KCNT2: variants seen among roughly 807,000 people sequenced by gnomAD.
The protein encoded by KCNT2 is potassium sodium-activated channel subfamily T member 2, also known as potassium channel subfamily T member 2.
A neutral mutation model predicts 153.8 loss-of-function variants in KCNT2; 67 were observed. The observed-to-expected ratio is 0.44, with a 90% CI of 0.36 to 0.53. The LOEUF (loss-of-function observed/expected upper bound fraction) is 0.53, where lower values mean the gene tolerates loss of function less well. KCNT2 is among the 20% of genes least tolerant of loss of function. The pLI is 0.00. For synonymous variants in KCNT2, 500 were observed against 458.8 expected (o/e 1.09, Z -1.15); for missense variants, 975 against 1,354.8 (o/e 0.72, Z 4.40).
At chr1:196,362,172 C>G (rs970209917) in intron 14 of KCNT2, among the ~76,000 whole-genome samples, 2 of 151,992 alleles carry the variant, frequency 1.3e-5, no homozygotes, top group Admixed American at 6.6e-5. Context: ...ATCCCTATTA[C>G]TTTTGAGAAA....
At chr1:196,599,140 G>A (rs4658043) in intron 1 of KCNT2, among the ~76,000 whole-genome samples, 2 of 152,068 alleles carry the variant, frequency 1.3e-5, no homozygotes, top group African/African-American at 4.8e-5. Flanking sequence ...TGATCCCTAG[G>A]GGACAGAGTA....
intron 1 of KCNT2, among the ~76,000 whole-genome samples, chr1:196,499,887 T>C (rs1397930261): frequency 6.6e-6 from 1 of 152,136 alleles, no homozygotes; most frequent in Non-Finnish European, 1.5e-5. Flanking sequence ...CTCATGTCTG[T>C]AATCCCAGCA....
At chr1:196,236,686 A>T (rs1012819478) in intron 26 of KCNT2, among the ~76,000 whole-genome samples, 1 of 151,602 alleles carries the variant, frequency 6.6e-6, no homozygotes, top group African/African-American at 2.4e-5. Flanking sequence ...GTTTTTCCTA[A>T]AGCAATATAT....
In KCNT2 at chr1:196,298,880, C is replaced by A. The variant is rs898067007; in HGVS notation, c.2595+6354G>T. On this transcript the variant is annotated intron_variant, in intron 22 of 27. Transcript: ENST00000294725. ...TACAAGGAGTATTGAAGTTCTGAGC[C>A]AGAAACCAGGGACAAAGACCAAGTA... is the stretch of plus-strand genomic sequence containing the variant. Among the ~76,000 whole-genome samples, 12 of 150,524 alleles carry A rather than the reference C, an allele frequency of 8.0e-5. No homozygotes were observed. The South Asian group carries it at 2.6e-3, about 32-fold the overall frequency.
intron 11 of KCNT2, 59 bp downstream of exon 11, chr1:196,425,791 AAG>A: frequency 1.3e-6 from 2 of 1,569,572 alleles, no homozygotes; most frequent in Non-Finnish European, 1.7e-6. Flanking sequence ...ATTTGGAGGA[AAG>A]AGAAAATATT....
At position 196,439,288 on chromosome 1, in the gene KCNT2, G is replaced by A. The variant is rs539001494; in HGVS notation, c.639-9531C>T. On this transcript the variant is annotated intron_variant, in intron 8 of 27. Transcript: ENST00000294725. ...TTTTTTCTAAAATTCAGGTAAATAC[G>A]TGTTTAAATTATGAATACTATAGAA... 1.8e-4 allele frequency among the ~76,000 whole-genome samples: 28 copies of A among 151,942 alleles called. 1 individual carries two copies. Among genetic ancestry groups the A allele is most frequent in the South Asian group, 4.1e-4 (2 of 4,828 alleles).
At chr1:196,551,800 T>G (rs1473960855) in intron 1 of KCNT2, among the ~76,000 whole-genome samples, 1 of 151,546 alleles carries the variant, frequency 6.6e-6, no homozygotes, top group Admixed American at 6.6e-5. Context: ...TTACAGAATA[T>G]CCACTGTGGG....
rs74505176 is a variant in KCNT2, at chr1:196,455,553, A to G, written c.638+9740T>C. Among the ~76,000 whole-genome samples, 118 of 151,878 alleles carry G rather than the reference A, an allele frequency of 7.8e-4. 1 individual carries two copies. In the East Asian group the frequency reaches 0.018, roughly 24 times the overall value. On this transcript the variant is annotated intron_variant, in intron 8 of 27. Transcript: ENST00000294725. ...ATTATTTGTTTATTATCTTTCTTCT[A>G]TCTTTTGTTTTTCTCTCTTATGAAC...
At chr1:196,333,072 G>A (rs778074053) in intron 17 of KCNT2, among the ~76,000 whole-genome samples, 13 of 151,452 alleles carry the variant, frequency 8.6e-5, no homozygotes, top group East Asian at 1.9e-4. Flanking sequence ...TTACAAGTGT[G>A]AGCCACTGTG....
intron 27 of KCNT2, among the ~76,000 whole-genome samples, chr1:196,233,735 G>T (rs1025175213): frequency 1.3e-5 from 2 of 151,434 alleles, no homozygotes; most frequent in African/African-American, 4.8e-5. Context: ...GTCATTTGCA[G>T]CAACATAGTC....
At chr1:196,240,103 G>C (rs1372240893) in intron 26 of KCNT2, among the ~76,000 whole-genome samples, 1 of 151,988 alleles carries the variant, frequency 6.6e-6, no homozygotes, top group East Asian at 1.9e-4. Flanking sequence ...GGCAGCCCTA[G>C]TACACGAATA....
chr1:196,487,459 T>C (rs139100693), intron 3 of KCNT2, among the ~76,000 whole-genome samples: 60 of 151,734 alleles, frequency 4.0e-4, no homozygotes, highest in Admixed American at 2.6e-3. Flanking sequence ...TGTCTGTGTG[T>C]GTATGTTTGT....
At chr1:196,443,852 T>C (rs1338573111) in intron 8 of KCNT2, among the ~76,000 whole-genome samples, 2 of 151,572 alleles carry the variant, frequency 1.3e-5, no homozygotes, top group Non-Finnish European at 3.0e-5. Context: ...CGGTTCCTGA[T>C]TAGAGTTCTT....
chr1:196,448,198 A>G (rs1311102407), intron 8 of KCNT2, among the ~76,000 whole-genome samples: 3 of 151,386 alleles, frequency 2.0e-5, no homozygotes, highest in Non-Finnish European at 4.4e-5. Context: ...AACTCACTTA[A>G]CTCCCTCTGA....
At chr1:196,400,450 T>C (rs533067540) in intron 12 of KCNT2, among the ~76,000 whole-genome samples, 5 of 151,798 alleles carry the variant, frequency 3.3e-5, no homozygotes, top group South Asian at 2.1e-4. Context: ...AATTTCCTCA[T>C]TAGTAAAATG....
At chr1:196,325,601 T>C (rs955001702) in intron 19 of KCNT2, among the ~76,000 whole-genome samples, 5 of 152,166 alleles carry the variant, frequency 3.3e-5, no homozygotes, top group Non-Finnish European at 7.4e-5. Context: ...GTTCTAAAAT[T>C]TGTTTTAACA....
intron 1 of KCNT2, 95 bp downstream of exon 1, chr1:196,608,120 T>C (rs1259915844): frequency 9.1e-7 from 1 of 1,097,278 alleles, no homozygotes; most frequent in Non-Finnish European, 1.4e-6. Flanking sequence ...TCTGGCTCCG[T>C]TTTCCTTTTC....
chr1:196,513,224 A>G (rs933353309), intron 1 of KCNT2, among the ~76,000 whole-genome samples: 2 of 152,210 alleles, frequency 1.3e-5, no homozygotes, highest in African/African-American at 4.8e-5. Flanking sequence ...TTATAACTGT[A>G]TGCTCAGCAC....
At position 196,340,530 on chromosome 1, in the gene KCNT2, T is replaced by C; in HGVS notation, c.1594A>G (p.Lys532Glu). 6.2e-7 allele frequency: 1 copy of C among 1,610,866 alleles called. No homozygotes were observed. The highest frequency in any genetic ancestry group is 8.5e-7 in the Non-Finnish European group (1 of 1,178,216). Reference protein sequence around the residue: ...CLIGVRREDNKNILLNPGPRY... With the variant: ...CLIGVRREDNENILLNPGPRY... ...GGACCTGGATTCAGCAAAATGTTTT[T>C]ATTATCCTCCCTCCTAACACCAATC... Residue 532 changes from lysine (K) to glutamate (E), a missense_variant, in exon 16 of 28, where the codon AAA becomes GAA. Physicochemically the swap from Lys to Glu is moderately conservative, Grantham distance 56. Around this residue, in one of 6 missense-constraint regions of KCNT2, gnomAD observed 325 missense variants for 388.1 expected, o/e 0.84. Transcript: ENST00000294725.
Sources: gnomAD v4.1 joint callset for allele counts (sites outside exome capture counted in the v4.1 genomes callset) on GRCh38, gnomAD v4.1.1 for gene constraint, gnomAD v4.1.1 regional missense constraint, MANE v1.5 for transcripts, NCBI Gene and HGNC (gene_info 2026-07-23, HGNC 2026-07-21) for gene names.